Variants in TYW1B observed in about 807,000 individuals in gnomAD.
TYW1B encodes the protein tRNA-yW synthesizing protein 1 homolog B.
TYW1B carries 73 observed loss-of-function variants against 86.9 expected under a neutral mutation model. The observed-to-expected ratio is 0.84, with a 90% confidence interval of 0.70 to 1.02. TYW1B has a LOEUF of 1.02. TYW1B is among the 50% of genes least tolerant of loss of function. The probability of loss-of-function intolerance (pLI) is 0.00; values close to 1 mark genes in which losing one functional copy is unlikely to be tolerated. For synonymous variants in TYW1B, 248 were observed against 292.8 expected (o/e 0.85, Z 1.56); for missense variants, 637 against 827.4 (o/e 0.77, Z 2.82).
At position 72,710,746 on chromosome 7, in the gene TYW1B, T is replaced by G. The variant is rs148290334; in HGVS notation, c.1370+2875A>C. Among the ~76,000 whole-genome samples, 135 of 152,284 alleles carry G rather than the reference T, an allele frequency of 8.9e-4. 4 individuals carry two copies. In the East Asian group the frequency reaches 0.025, roughly 28 times the overall value. On this transcript the variant is annotated intron_variant, in intron 10 of 13. Coordinates refer to ENST00000620995, the MANE Select transcript of TYW1B (RefSeq NM_001145440.3). ...TCGCTTGAACCTGGGAAGCAGAGGT[T>G]GCAGTGAGCCAAGATTGTGCCACTG...
intron 9 of TYW1B, chr7:72,723,019 C>G (rs1220797202): frequency 5.5e-6 from 4 of 730,756 alleles, no homozygotes; most frequent in African/African-American, 3.6e-5. Flanking sequence ...GCCGCCACCT[C>G]GAAAAGGGCC....
At chr7:72,679,764 T>C (rs575546075) in intron 11 of TYW1B, among the ~76,000 whole-genome samples, 1 of 152,330 alleles carries the variant, frequency 6.6e-6, no homozygotes, top group Non-Finnish European at 1.5e-5. Flanking sequence ...TACATTATTA[T>C]ATAAAGTTTT....
chr7:72,652,326 C>T (rs1378181781), intron 11 of TYW1B, among the ~76,000 whole-genome samples: 7 of 126,542 alleles, frequency 5.5e-5, no homozygotes, highest in East Asian at 5.0e-4. Context: ...TGCAGTGAGC[C>T]GAGATTGCAC....
intron 11 of TYW1B, among the ~76,000 whole-genome samples, chr7:72,659,111 A>G (rs1813271831): frequency 6.6e-6 from 1 of 152,352 alleles, no homozygotes; most frequent in Admixed American, 6.5e-5. Context: ...AACATCATCT[A>G]GCAACTGTGA....
At chr7:72,810,873 A>G (rs562823858) in intron 3 of TYW1B, among the ~76,000 whole-genome samples, 130 of 152,172 alleles carry the variant, frequency 8.5e-4, no homozygotes, top group Non-Finnish European at 8.5e-4. Flanking sequence ...GCTCCTGCCA[A>G]TATACCTCCT....
chr7:72,658,893 G>C (rs559337487), intron 11 of TYW1B, among the ~76,000 whole-genome samples: 14 of 152,088 alleles, frequency 9.2e-5, no homozygotes, highest in Non-Finnish European at 1.9e-4. Context: ...GCTAATTTTT[G>C]TATTTTTAGT....
At chr7:72,603,133 G>A (rs1554434169) in intron 13 of TYW1B, among the ~76,000 whole-genome samples, 3 of 151,232 alleles carry the variant, frequency 2.0e-5, no homozygotes. Context: ...TGGATGGATG[G>A]ATAGATGGAT....
At chr7:72,672,441 A>G (rs576305999) in intron 11 of TYW1B, among the ~76,000 whole-genome samples, 172 of 147,596 alleles carry the variant, frequency 1.2e-3, no homozygotes, top group Non-Finnish European at 2.3e-3. Flanking sequence ...TTACAGTTTG[A>G]GGACCTGAAT....
intron 11 of TYW1B, among the ~76,000 whole-genome samples, chr7:72,661,720 A>C (rs1284180299): frequency 1.3e-5 from 2 of 151,856 alleles, no homozygotes; most frequent in African/African-American, 4.8e-5. Context: ...TTCAAACTTG[A>C]CTTCCCCTAT....
At chr7:72,618,711 A>G (rs1812141510) in intron 12 of TYW1B, among the ~76,000 whole-genome samples, 1 of 152,188 alleles carries the variant, frequency 6.6e-6, no homozygotes, top group Admixed American at 6.5e-5. Context: ...TAATTACAAT[A>G]AACAAGAGAA....
chr7:72,678,619 C>CTTTTTTTTTTTTTTT, intron 11 of TYW1B, among the ~76,000 whole-genome samples: 1 of 110,432 alleles, frequency 9.1e-6, no homozygotes, highest in Non-Finnish European at 1.8e-5. Context: ...AATTCCAGCA[C>CTTTTTTTTTTTTTTT]TTTTTTTTTT....
chr7:72,686,561 A>G (rs186336514), intron 11 of TYW1B, among the ~76,000 whole-genome samples: 28 of 152,300 alleles, frequency 1.8e-4, no homozygotes, highest in South Asian at 8.3e-4. Flanking sequence ...GGAGGGAGAG[A>G]TAAACAGGCA....
In TYW1B at chr7:72,618,738, A is replaced by G. The variant is rs1585852168; in HGVS notation, c.1618-1899T>C. 3.3e-5 allele frequency among the ~76,000 whole-genome samples: 5 copies of G among 152,332 alleles called. 2 individuals carry two copies. Among genetic ancestry groups the G allele is most frequent in the Admixed American group, 3.3e-4 (5 of 15,298 alleles). ...ACAAGAGAATCTTCTCAGTTTGCCCAGTGATTTAGAGAATTCATTAAACGG... is the reference window on the plus strand; with the variant it reads ...ACAAGAGAATCTTCTCAGTTTGCCCGGTGATTTAGAGAATTCATTAAACGG... On this transcript the variant is annotated intron_variant, in intron 12 of 13. Coordinates refer to ENST00000620995, the MANE Select transcript of TYW1B (RefSeq NM_001145440.3).
intron 11 of TYW1B, among the ~76,000 whole-genome samples, chr7:72,633,317 T>C (rs1201452620): frequency 6.6e-6 from 1 of 152,196 alleles, no homozygotes; most frequent in Non-Finnish European, 1.5e-5. Context: ...CAATAAAAGA[T>C]TCCCGTCTAA....
intron 11 of TYW1B, among the ~76,000 whole-genome samples, chr7:72,670,290 C>T (rs1216933920): frequency 6.6e-6 from 1 of 152,220 alleles, no homozygotes; most frequent in African/African-American, 2.4e-5. Context: ...CTCCAAGGTT[C>T]AAGCGATTCT....
At chr7:72,651,614 CA>C (rs1813059530) in intron 11 of TYW1B, among the ~76,000 whole-genome samples, 1 of 152,014 alleles carries the variant, frequency 6.6e-6, no homozygotes, top group Admixed American at 6.6e-5. Context: ...GACTCCAACT[CA>C]AAAAAGTTAA....
At chr7:72,816,319 T>C (rs1788721715) in intron 2 of TYW1B, among the ~76,000 whole-genome samples, 1 of 152,014 alleles carries the variant, frequency 6.6e-6, no homozygotes, top group African/African-American at 2.4e-5. Flanking sequence ...GAGGTTGCAG[T>C]GAGCCAAGAT....
intron 11 of TYW1B, among the ~76,000 whole-genome samples, chr7:72,663,721 G>A (rs1218394940): frequency 2.5e-5 from 3 of 118,740 alleles, no homozygotes; most frequent in African/African-American, 3.3e-5. Flanking sequence ...CCGAGATCAC[G>A]CCACTGCACT....
chr7:72,675,733 T>G (rs1813721412), intron 11 of TYW1B, among the ~76,000 whole-genome samples: 1 of 152,032 alleles, frequency 6.6e-6, no homozygotes, highest in South Asian at 2.1e-4. Flanking sequence ...CATTATTAAT[T>G]ACAATGATTA....
Sources: allele counts gnomAD v4.1 joint callset (sites outside exome capture counted in the v4.1 genomes callset), GRCh38; gene constraint gnomAD v4.1.1; transcripts MANE v1.5; gene names NCBI Gene and HGNC (gene_info 2026-07-23, HGNC 2026-07-21).